The following CEP192 variants were observed in gnomAD, a reference collection of about 807,000 sequenced individuals.
CEP192 encodes the protein centrosomal protein of 192 kDa.
CEP192 carries 151 observed loss-of-function variants against 271.8 expected under a neutral mutation model. The ratio of observed to expected loss-of-function variants is 0.56; its 90% CI spans 0.49 to 0.64. The LOEUF is 0.64. Among genes scored for constraint, CEP192 ranks in the 30% least tolerant of loss-of-function variants. The pLI is 0.00. For synonymous variants in CEP192, 995 were observed against 1,076.5 expected, an observed-to-expected ratio of 0.92 and a Z score of 1.48; for missense variants, 2,910 against 3,020.5, an observed-to-expected ratio of 0.96 and a Z score of 0.86.
Position 13,053,031 on chromosome 18 carries a change from T to A in CEP192, c.3130T>A (p.Ser1044Thr), listed in dbSNP as rs149396801. Residue 1044 changes from serine (S) to threonine (T), a missense_variant, in exon 18 of 45, where the codon TCT becomes ACT. Ser to Thr is a moderately conservative substitution (Grantham distance 58). Transcript: ENST00000506447. ...PAGVSRLTYV[S>T]EPESSYPTTA... is the part of the protein sequence containing the mutation. ...TGGGGTGAGCAGGCTGACGTATGTG[T>A]CTGAACCAGAGAGCTCCTATCCTAC... The A allele has an allele frequency of 1.7e-5, 28 of 1,613,774 alleles. No homozygotes were observed. Among genetic ancestry groups the A allele is most frequent in the African/African-American group, 2.7e-5 (2 of 74,878 alleles).
intron 1 of CEP192, among the ~76,000 whole-genome samples, chr18:12,994,815 C>A (rs2033109206): frequency 6.6e-6 from 1 of 152,186 alleles, no homozygotes; most frequent in East Asian, 1.9e-4. Context: ...GTTGAGATCC[C>A]TAGTGTGTAA....
chr18:13,010,197 C>G (rs1008169427), intron 4 of CEP192, among the ~76,000 whole-genome samples: 4 of 152,038 alleles, frequency 2.6e-5, no homozygotes, highest in African/African-American at 9.7e-5. Context: ...AAATCATAGG[C>G]TTCTGCTGTC....
chr18:13,065,779 A>C (rs1207357513), intron 21 of CEP192, among the ~76,000 whole-genome samples: 1 of 152,200 alleles, frequency 6.6e-6, no homozygotes, highest in African/African-American at 2.4e-5. Context: ...TAGGACTCTT[A>C]TATAACATCC....
At chr18:13,114,057 T>G in intron 41 of CEP192, 73 bp from the exon 42 acceptor site, 1 of 1,497,076 alleles carries the variant, frequency 6.7e-7, no homozygotes, top group Non-Finnish European at 9.0e-7. Context: ...ATGATAGAAT[T>G]CAAATAAGTA....
chr18:13,105,150 C>A, intron 40 of CEP192, 71 bp downstream of exon 40: 3 of 1,063,164 alleles, frequency 2.8e-6, no homozygotes, highest in South Asian at 1.3e-5. Flanking sequence ...GGATTCCACC[C>A]ATTTAGCTTG....
At chr18:12,998,386 A>G (rs1248209237) in intron 1 of CEP192, among the ~76,000 whole-genome samples, 1 of 152,210 alleles carries the variant, frequency 6.6e-6, no homozygotes, top group Non-Finnish European at 1.5e-5. Context: ...TAGACCTAGC[A>G]CTTAGAGTGG....
At chr18:13,113,978 C>G (rs1053441924) in intron 41 of CEP192, 152 bp from the exon 42 acceptor site, 2 of 864,544 alleles carry the variant, frequency 2.3e-6, no homozygotes, top group African/African-American at 3.4e-5. Flanking sequence ...CCAGGCAGGA[C>G]AGAGTACAGA....
intron 24 of CEP192, 73 bp downstream of exon 24, chr18:13,068,495 C>G: frequency 8.2e-7 from 1 of 1,222,396 alleles, no homozygotes; most frequent in Middle Eastern, 2.6e-4. Flanking sequence ...GATGTATTTC[C>G]TTTGTCAATA....
At position 13,117,561 on chromosome 18, in the gene CEP192, A is replaced by G. The variant is rs762715205; in HGVS notation, c.7417-24A>G. The G allele has an allele frequency of 1.3e-6, 2 of 1,536,732 alleles. 1 individual carries two copies. Among genetic ancestry groups the G allele is most frequent in the South Asian group, 2.2e-5 (2 of 89,434 alleles). On this transcript the variant is annotated intron_variant, in intron 43 of 44. Coordinates refer to ENST00000506447, the MANE Select transcript of CEP192 (RefSeq NM_032142.4). ...AAAGATCTAATTTTCATAACTTTAT[A>G]AAGTGTCTTCTATTAAATTCCAGCT...
At chr18:13,108,532 C>A (rs1295947166) in intron 40 of CEP192, among the ~76,000 whole-genome samples, 7 of 152,140 alleles carry the variant, frequency 4.6e-5, no homozygotes, top group Non-Finnish European at 8.8e-5. Flanking sequence ...GACATACAAG[C>A]AGCCAACAAA....
Position 13,056,363 on chromosome 18 carries a change from C to T in CEP192, c.3773C>T (p.Ala1258Val). The T allele has an allele frequency of 6.2e-7, 1 of 1,614,264 alleles. No individual in the cohort carries two copies. The highest frequency in any genetic ancestry group is 8.5e-7 in the Non-Finnish European group (1 of 1,180,052). The change falls in exon 19 of 45, where the codon GCT becomes GTT. Residue 1258 changes from alanine to valine, a missense_variant. By Grantham distance (64) the Ala-to-Val change is moderately conservative (BLOSUM62 0). Coordinates refer to ENST00000506447, the MANE Select transcript of CEP192 (RefSeq NM_032142.4). ...CTCTTGACACAACCCTCTCTCAGCGCTGCTCCTTTTGCTCAGCGGTATTTG... is the reference window on the plus strand; with the variant it reads ...CTCTTGACACAACCCTCTCTCAGCGTTGCTCCTTTTGCTCAGCGGTATTTG... ...HALLTQPSLS[A>V]APFAQRYLGT... is the part of the protein sequence containing the mutation.
At chr18:13,007,102 C>T (rs1295297052) in intron 3 of CEP192, among the ~76,000 whole-genome samples, 2 of 152,098 alleles carry the variant, frequency 1.3e-5, no homozygotes, top group African/African-American at 2.4e-5. Flanking sequence ...TTTCTGCTTC[C>T]GGGCCCTTCT....
chr18:13,107,616 C>A (rs2144988624), intron 40 of CEP192, among the ~76,000 whole-genome samples: 1 of 152,306 alleles, frequency 6.6e-6, no homozygotes, highest in Non-Finnish European at 1.5e-5. Context: ...CTAAATTAAT[C>A]TCTCCAGGAT....
intron 36 of CEP192, 73 bp downstream of exon 36, chr18:13,096,380 T>TG: frequency 6.4e-7 from 1 of 1,563,662 alleles, no homozygotes; most frequent in Admixed American, 1.8e-5. Flanking sequence ...GATCAAATAA[T>TG]ATGTCATTGT....
At chr18:13,004,792 C>G (rs549674720) in intron 3 of CEP192, among the ~76,000 whole-genome samples, 66 of 152,230 alleles carry the variant, frequency 4.3e-4, no homozygotes, top group South Asian at 8.3e-4. Flanking sequence ...GTGATGTTTC[C>G]CCAGCCACAT....
At chr18:13,018,420 C>G in intron 7 of CEP192, 60 bp from the exon 8 acceptor site, 2 of 1,114,774 alleles carry the variant, frequency 1.8e-6, no homozygotes, top group South Asian at 2.1e-5. Flanking sequence ...CACATTTTCT[C>G]CCTCAAAATA....
rs567084219 is a variant in CEP192 at position 13,027,363 on chromosome 18, G to C, written c.1051-2300G>C. ...TTTGCTGTGAGAACTTGGTTGTGCT[G>C]CAAGTAAAACTCACAAAAGCATGGG... On this transcript the variant is annotated intron_variant, in intron 9 of 44. Coordinates refer to ENST00000506447, the MANE Select transcript of CEP192 (RefSeq NM_032142.4). Among the ~76,000 whole-genome samples, 8 of 152,292 alleles carry C rather than the reference G, an allele frequency of 5.3e-5. No homozygotes were observed. In the East Asian group the frequency reaches 1.3e-3, roughly 26 times the overall value.
chr18:13,021,854 T>G (rs984330556), intron 9 of CEP192, among the ~76,000 whole-genome samples: 9 of 152,230 alleles, frequency 5.9e-5, no homozygotes, highest in African/African-American at 2.2e-4. Context: ...TACTTTCGTC[T>G]TTTAGATGCT....
chr18:13,096,263 G>T lies in CEP192; in HGVS notation c.6513G>T (p.Ala2171=). 1 of 1,614,022 alleles carries T rather than the reference G, an allele frequency of 6.2e-7. No individual in the cohort carries two copies. The highest frequency in any genetic ancestry group is 1.1e-5 in the South Asian group (1 of 91,070). ...RLLRFELCWP[A]HCLTVTPQHG... ...TGAGATTTGAGCTGTGCTGGCCAGC[G>T]CATTGCCTCACAGTCACGCCGCAGC... The change falls in exon 36 of 45, where the codon GCG becomes GCT. Residue 2171 remains alanine (A), a synonymous_variant. Transcript: ENST00000506447.
Sources: gnomAD v4.1 joint callset for allele counts (sites outside exome capture counted in the v4.1 genomes callset) on GRCh38, gnomAD v4.1.1 for gene constraint, MANE v1.5 for transcripts, NCBI Gene and HGNC (gene_info 2026-07-23, HGNC 2026-07-21) for gene names.